KCNH8: variants seen among roughly 807,000 people sequenced by gnomAD.
KCNH8 encodes potassium voltage-gated channel subfamily H member 8.
A neutral mutation model predicts 103.6 loss-of-function variants in KCNH8; 70 were observed. The ratio of observed to expected loss-of-function variants is 0.68; its 90% confidence interval spans 0.56 to 0.82. KCNH8 has a LOEUF of 0.82. KCNH8 is among the 40% of genes least tolerant of loss of function. KCNH8 has a pLI of 0.00. For synonymous variants in KCNH8, 498 were observed against 489.4 expected, an observed-to-expected ratio of 1.02 and a Z score of -0.23; for missense variants, 1,217 against 1,329.9, an observed-to-expected ratio of 0.92 and a Z score of 1.32.
Position 19,438,334 on chromosome 3 carries a change from T to C in KCNH8, c.1348T>C (p.Phe450Leu). Residue 450 changes from phenylalanine (F) to leucine (L), a missense_variant, in exon 8 of 16, where the codon TTC (phenylalanine) becomes CTC (leucine). Transcript: ENST00000328405. ...VSANTDAEKI[F>L]SICTMLIGAL... ...TGCTAATACAGATGCAGAAAAGATC[T>C]TCTCCATCTGCACCATGCTGATTGG... is the stretch of plus-strand genomic sequence containing the variant. 1 of 1,613,944 alleles carries C rather than the reference T, an allele frequency of 6.2e-7. No homozygotes were observed. The highest frequency in any genetic ancestry group is 8.5e-7 in the Non-Finnish European group (1 of 1,179,976).
At chr3:19,222,906 G>A (rs566607241) in intron 1 of KCNH8, among the ~76,000 whole-genome samples, 1 of 152,288 alleles carries the variant, frequency 6.6e-6, no homozygotes, top group African/African-American at 2.4e-5. Flanking sequence ...CTCTTAAGGT[G>A]CACAACCCCA....
intron 7 of KCNH8, among the ~76,000 whole-genome samples, chr3:19,435,184 A>AC (rs1183667917): frequency 2.6e-5 from 4 of 152,152 alleles, no homozygotes; most frequent in African/African-American, 9.7e-5. Flanking sequence ...TATCAATTAT[A>AC]CCCCAATAAA....
In KCNH8 at chr3:19,357,881, A is replaced by G. The variant is rs184762933; in HGVS notation, c.811+9916A>G. ...GGGATAAAGCTGAGAAGCTTTCATA[A>G]TAGAAGGAATATATATATATAAATC... On this transcript the variant is annotated intron_variant, in intron 5 of 15. Transcript: ENST00000328405. 2.7e-3 allele frequency among the ~76,000 whole-genome samples: 408 copies of G among 152,062 alleles called. 6 individuals carry two copies. Among genetic ancestry groups the G allele is most frequent in the African/African-American group, 9.2e-3 (384 of 41,548 alleles).
At position 19,451,149 on chromosome 3, in the gene KCNH8, T is replaced by C. The variant is rs758565349; in HGVS notation, c.1576-6T>C. On this transcript the variant is annotated splice_region_variant and splice_polypyrimidine_tract_variant and intron_variant, in intron 9 of 15. Transcript: ENST00000328405. ...ATTTGATTTCCTCCTTCATCTTCTC[T>C]GACAGCTTTTGAAAGACTTTCCAGA... is the stretch of plus-strand genomic sequence containing the variant. 1.9e-6 allele frequency: 3 copies of C among 1,613,460 alleles called. No individual in the cohort carries two copies. The highest frequency in any genetic ancestry group is 2.5e-6 in the Non-Finnish European group (3 of 1,179,452).
At chr3:19,426,169 C>T (rs1398727252) in intron 7 of KCNH8, among the ~76,000 whole-genome samples, 1 of 152,130 alleles carries the variant, frequency 6.6e-6, no homozygotes, top group Non-Finnish European at 1.5e-5. Context: ...TCCCTTGGTC[C>T]TGCTGGGCTA....
intron 3 of KCNH8, among the ~76,000 whole-genome samples, chr3:19,290,101 C>T (rs1450768656): frequency 1.3e-5 from 2 of 152,060 alleles, no homozygotes; most frequent in African/African-American, 4.8e-5. Context: ...GATTTTGTAT[C>T]CTGAGACTTT....
chr3:19,278,321 A>G (rs1422393530), intron 2 of KCNH8, among the ~76,000 whole-genome samples: 2 of 151,932 alleles, frequency 1.3e-5, no homozygotes, highest in Admixed American at 6.6e-5. Flanking sequence ...GAGAAAGAAA[A>G]GCATAAATAT....
chr3:19,156,958 C>G (rs75563497), intron 1 of KCNH8, among the ~76,000 whole-genome samples: 4,517 of 148,178 alleles, frequency 0.03, 236 homozygotes, highest in African/African-American at 0.1. Flanking sequence ...ACTCTCAAGT[C>G]TATAAAGCTT....
chr3:19,506,113 G>A (rs1286402484), intron 11 of KCNH8, among the ~76,000 whole-genome samples: 2 of 152,038 alleles, frequency 1.3e-5, no homozygotes, highest in Admixed American at 6.5e-5. Context: ...CCTGAATCTC[G>A]ATTGTCTATG....
chr3:19,292,658 T>G (rs1272187556), intron 3 of KCNH8, among the ~76,000 whole-genome samples: 1 of 152,172 alleles, frequency 6.6e-6, no homozygotes, highest in Non-Finnish European at 1.5e-5. Context: ...GTAATACTGG[T>G]GGGCACTCAG....
At chr3:19,293,033 G>A (rs1331594546) in intron 3 of KCNH8, among the ~76,000 whole-genome samples, 1 of 152,204 alleles carries the variant, frequency 6.6e-6, no homozygotes, top group Non-Finnish European at 1.5e-5. Flanking sequence ...AAGAGAAAGA[G>A]TCTTGGAATG....
In KCNH8 at chr3:19,229,503, C is replaced by T. The variant is rs142406855; in HGVS notation, c.77-24151C>T. On this transcript the variant is annotated intron_variant, in intron 1 of 15. Transcript: ENST00000328405. ...GGGCTTGCACCCTCTGAAGCCAGGG[C>T]TTGAGATCTACATTGGCTCCTTTCA... 3.5e-3 allele frequency among the ~76,000 whole-genome samples: 531 copies of T among 151,988 alleles called. 4 individuals carry two copies. The highest frequency in any genetic ancestry group is 0.012 in the African/African-American group (477 of 41,420).
intron 15 of KCNH8, among the ~76,000 whole-genome samples, chr3:19,528,127 G>A (rs994242290): frequency 2.0e-5 from 3 of 151,922 alleles, no homozygotes; most frequent in African/African-American, 7.2e-5. Flanking sequence ...AGGGGAAAGT[G>A]GATAAAGAAA....
intron 11 of KCNH8, among the ~76,000 whole-genome samples, chr3:19,505,159 A>G (rs1283614849): frequency 1.3e-5 from 2 of 152,034 alleles, no homozygotes; most frequent in South Asian, 2.1e-4. Flanking sequence ...CTAAATGAAC[A>G]TGGATGGAGC....
At chr3:19,240,611 TAAAAAAAAAAAA>T (rs1158986432) in intron 1 of KCNH8, among the ~76,000 whole-genome samples, 1 of 114,568 alleles carries the variant, frequency 8.7e-6, no homozygotes, top group Non-Finnish European at 1.9e-5. Flanking sequence ...AAACTCTGTC[TAAAAAAAAAAAA>T]AAAACAAAAA....
intron 1 of KCNH8, among the ~76,000 whole-genome samples, chr3:19,183,393 AGTAAGTAG>A (rs2063474636): frequency 6.6e-6 from 1 of 152,148 alleles, no homozygotes; most frequent in East Asian, 1.9e-4. Context: ...ATTAAATTAT[AGTAAGTAG>A]GTAAGAAGGT....
At chr3:19,245,900 C>T (rs180718025) in intron 1 of KCNH8, among the ~76,000 whole-genome samples, 2 of 152,226 alleles carry the variant, frequency 1.3e-5, no homozygotes, top group African/African-American at 4.8e-5. Flanking sequence ...GATAGTTTGA[C>T]TTATTTTCCC....
chr3:19,421,879 T>TTTTTG (rs1369802414), intron 7 of KCNH8, among the ~76,000 whole-genome samples: 3 of 152,108 alleles, frequency 2.0e-5, no homozygotes, highest in African/African-American at 4.8e-5. Flanking sequence ...CAATCAGGTC[T>TTTTTG]TTTTGTTTTG....
intron 11 of KCNH8, among the ~76,000 whole-genome samples, chr3:19,472,530 G>T (rs543872660): frequency 1.5e-4 from 23 of 152,248 alleles, no homozygotes; most frequent in Non-Finnish European, 3.1e-4. Context: ...TGCCATCCAT[G>T]TAAGATGTGA....
Sources: allele counts gnomAD v4.1 joint callset (sites outside exome capture counted in the v4.1 genomes callset), GRCh38; gene constraint gnomAD v4.1.1; transcripts MANE v1.5; gene names NCBI Gene and HGNC (gene_info 2026-07-23, HGNC 2026-07-21).